Variants in GPHN observed in about 807,000 individuals in gnomAD.
The protein encoded by GPHN is gephyrin.
Under a neutral mutation model 95.5 loss-of-function variants are expected in GPHN, and 17 were observed. That is an observed-to-expected ratio of 0.18 (90% CI 0.12 to 0.27). The LOEUF is 0.27. Among genes scored for constraint, GPHN ranks in the 10% least tolerant of loss-of-function variants. GPHN has a pLI of 1.00. For missense variants in GPHN, 660 were observed against 978.1 expected (o/e 0.67, Z 4.34); for synonymous variants, 320 against 322.5 (o/e 0.99, Z 0.08).
chr14:67,507,017 C>G, the GPHN span, among the ~76,000 whole-genome samples: 1 of 151,896 alleles, frequency 6.6e-6, no homozygotes, highest in African/African-American at 2.4e-5. Context: ...AAGAAAAAGC[C>G]TTGTTCAAAG....
the GPHN span, among the ~76,000 whole-genome samples, chr14:67,602,576 A>T: frequency 1.3e-5 from 2 of 152,246 alleles, no homozygotes. Context: ...TGTTTTGGGG[A>T]AGCCTGTAGT....
At chr14:67,381,251 T>C in the GPHN span, among the ~76,000 whole-genome samples, 1 of 152,212 alleles carries the variant, frequency 6.6e-6, no homozygotes, top group African/African-American at 2.4e-5. Context: ...TGTGCCAGTT[T>C]TCTCACAGTT....
chr14:67,355,075 G>A, the GPHN span, among the ~76,000 whole-genome samples: 1 of 152,090 alleles, frequency 6.6e-6, no homozygotes, highest in Non-Finnish European at 1.5e-5. Context: ...GCCTCACAAA[G>A]TGCTAGGATT....
At chr14:67,557,604 C>G in the GPHN span, among the ~76,000 whole-genome samples, 1 of 152,226 alleles carries the variant, frequency 6.6e-6, no homozygotes. Context: ...TCATTAGAAG[C>G]CAGGCAGGGG....
At chr14:67,638,626 G>A in the GPHN span, among the ~76,000 whole-genome samples, 2 of 152,134 alleles carry the variant, frequency 1.3e-5, no homozygotes, top group Non-Finnish European at 2.9e-5. Context: ...ATAGAGTTGA[G>A]TTCGTTCTTC....
the GPHN span, chr14:67,199,483 C>G: frequency 6.2e-7 from 1 of 1,613,080 alleles, no homozygotes; most frequent in Non-Finnish European, 8.5e-7. Flanking sequence ...CAGGCAACTC[C>G]AAAGGTTATG....
At chr14:67,297,367 G>A in the GPHN span, among the ~76,000 whole-genome samples, 1 of 152,116 alleles carries the variant, frequency 6.6e-6, no homozygotes, top group African/African-American at 2.4e-5. Flanking sequence ...AAGAGGTAAT[G>A]GAAGAATTAA....
intron 2 of GPHN, among the ~76,000 whole-genome samples, chr14:66,700,561 C>T (rs928155717): frequency 2.6e-5 from 4 of 152,078 alleles, no homozygotes; most frequent in Admixed American, 1.3e-4. Context: ...CTTAATTTTT[C>T]TAAATTAGCA....
rs535427946 is a variant in GPHN at position 66,894,344 on chromosome 14, A to C, written c.389+14311A>C. Among the ~76,000 whole-genome samples the C allele has an allele frequency of 4.9e-4, 74 of 152,240 alleles. 3 individuals are homozygous for C. The South Asian group carries it at 0.013, about 28-fold the overall frequency. On this transcript the variant is annotated intron_variant, in intron 5 of 22. Coordinates refer to ENST00000478722, the MANE Select transcript of GPHN (RefSeq NM_020806.5). The stretch of plus-strand genomic sequence containing the variant: ...CTGAAACTGGATCCCTTCCTTACAC[A>C]TTATACAAAAATTAATTCAAGATGG...
chr14:66,869,781 T>A (rs2063361208), intron 4 of GPHN, among the ~76,000 whole-genome samples: 1 of 152,228 alleles, frequency 6.6e-6, no homozygotes, highest in Admixed American at 6.5e-5. Context: ...TATCATTTAG[T>A]TCTCAGAGCC....
chr14:67,578,753 C>A, the GPHN span: 1 of 710,848 alleles, frequency 1.4e-6, no homozygotes, highest in Non-Finnish European at 2.5e-6. This position sits in a 1 kb window ranked among gnomAD's most constrained non-coding sequence, Gnocchi z 5.0. Flanking sequence ...GCTCAGTGGT[C>A]GTGGAGACTT....
At chr14:66,713,839 G>T (rs2069906570) in intron 2 of GPHN, among the ~76,000 whole-genome samples, 1 of 152,010 alleles carries the variant, frequency 6.6e-6, no homozygotes, top group South Asian at 2.1e-4. Flanking sequence ...CGTGATCTTG[G>T]CTCACTGCAA....
intron 2 of GPHN, among the ~76,000 whole-genome samples, chr14:66,718,558 T>G (rs1288940775): frequency 2.6e-5 from 4 of 152,078 alleles, no homozygotes; most frequent in Admixed American, 2.0e-4. Flanking sequence ...GTGGCCAGCT[T>G]TTATTCCCTT....
At chr14:67,207,196 G>T in the GPHN span, among the ~76,000 whole-genome samples, 1 of 152,092 alleles carries the variant, frequency 6.6e-6, no homozygotes, top group East Asian at 1.9e-4. Flanking sequence ...AATTAATAAA[G>T]AAAAGAGGGT....
chr14:66,907,908 G>A (rs1198441655), intron 5 of GPHN, among the ~76,000 whole-genome samples: 1 of 151,998 alleles, frequency 6.6e-6, no homozygotes, highest in Non-Finnish European at 1.5e-5. Flanking sequence ...AAGGGGAAGA[G>A]GCTAGAATGA....
intron 1 of GPHN, among the ~76,000 whole-genome samples, chr14:66,602,159 C>T (rs901613917): frequency 2.0e-5 from 3 of 151,886 alleles, no homozygotes; most frequent in Non-Finnish European, 4.4e-5. Context: ...CTCCAAAACC[C>T]TTTATGACTA....
intron 3 of GPHN, among the ~76,000 whole-genome samples, chr14:66,806,094 A>C (rs1177643242): frequency 6.6e-6 from 1 of 152,132 alleles, no homozygotes; most frequent in Admixed American, 6.5e-5. Context: ...CCCAAACCTC[A>C]ATTCTTGATT....
intron 5 of GPHN, among the ~76,000 whole-genome samples, chr14:66,896,822 AAAAC>A (rs1295315182): frequency 5.3e-5 from 8 of 152,054 alleles, no homozygotes; most frequent in Non-Finnish European, 1.2e-4. Context: ...AAAACAAAAA[AAAAC>A]AAAGACAAGT....
At chr14:67,591,221 C>T in the GPHN span, among the ~76,000 whole-genome samples, 1 of 152,024 alleles carries the variant, frequency 6.6e-6, no homozygotes, top group Non-Finnish European at 1.5e-5. Flanking sequence ...TAAAGAGATA[C>T]AAATTTAATG....
Sources: allele counts gnomAD v4.1 joint callset (sites outside exome capture counted in the v4.1 genomes callset), GRCh38; gene constraint gnomAD v4.1.1; non-coding constraint Gnocchi (gnomAD v3.1); transcripts MANE v1.5; gene names NCBI Gene and HGNC (gene_info 2026-07-23, HGNC 2026-07-21).